The following RYR3 variants were observed in gnomAD, a reference collection of about 807,000 sequenced individuals.
The protein encoded by RYR3 is brain ryanodine receptor-calcium release channel.
A neutral mutation model predicts 584.3 loss-of-function variants in RYR3; 207 were observed. The observed-to-expected ratio is 0.35, with a 90% CI of 0.32 to 0.40. The LOEUF is 0.40. Among genes scored for constraint, RYR3 ranks in the 10% least tolerant of loss-of-function variants. The pLI, the probability that RYR3 is intolerant of heterozygous loss-of-function variation, is 1.00. For synonymous variants in RYR3, 2,416 were observed against 2,248.5 expected, an observed-to-expected ratio of 1.07 and a Z score of -2.11; for missense variants, 5,616 against 6,089.2, an observed-to-expected ratio of 0.92 and a Z score of 2.59.
chr15:33,715,760 C>T (rs1185845277), intron 43 of RYR3, among the ~76,000 whole-genome samples: 3 of 152,138 alleles, frequency 2.0e-5, no homozygotes, highest in Non-Finnish European at 4.4e-5. Context: ...ACTGTGTCCT[C>T]ACATGGCAGA....
intron 44 of RYR3, among the ~76,000 whole-genome samples, chr15:33,723,648 C>T (rs1362645982): frequency 1.3e-5 from 2 of 152,188 alleles, no homozygotes; most frequent in African/African-American, 2.4e-5. Context: ...GCCACTTCCT[C>T]AAGCAACATG....
intron 15 of RYR3, 77 bp downstream of exon 15, chr15:33,584,567 T>A: frequency 1.5e-6 from 1 of 689,460 alleles, no homozygotes; most frequent in South Asian, 1.9e-5. Flanking sequence ...GAAAACAAAG[T>A]TGAATCTTTT....
intron 16 of RYR3, among the ~76,000 whole-genome samples, chr15:33,599,521 C>T (rs1360467170): frequency 1.3e-5 from 2 of 152,120 alleles, no homozygotes; most frequent in Non-Finnish European, 2.9e-5. Context: ...AGGGAACTTC[C>T]AGGTTACAGA....
At chr15:33,481,734 A>C (rs2049986142) in intron 2 of RYR3, among the ~76,000 whole-genome samples, 1 of 151,276 alleles carries the variant, frequency 6.6e-6, no homozygotes, top group African/African-American at 2.4e-5. Context: ...CACCCGCCTC[A>C]GTCTCCCAAA....
intron 38 of RYR3, among the ~76,000 whole-genome samples, chr15:33,692,593 C>T (rs1164405943): frequency 6.6e-6 from 1 of 150,852 alleles, no homozygotes; most frequent in Non-Finnish European, 1.5e-5. Context: ...AGTCTTGCCT[C>T]CTTTTCTGGC....
chr15:33,436,501 CTTT>C (rs34317660), intron 1 of RYR3, among the ~76,000 whole-genome samples: 5 of 135,886 alleles, frequency 3.7e-5, no homozygotes, highest in Admixed American at 7.4e-5. Context: ...AAACCATATT[CTTT>C]TTTTTTTTTT....
chr15:33,789,703 C>T (rs773089219), intron 67 of RYR3, among the ~76,000 whole-genome samples: 9 of 77,226 alleles, frequency 1.2e-4, no homozygotes, highest in Non-Finnish European at 2.1e-4. Context: ...GAGACGGAGT[C>T]TCACTTCGTC....
At chr15:33,775,314 C>G (rs2152893600) in intron 64 of RYR3, among the ~76,000 whole-genome samples, 1 of 106,306 alleles carries the variant, frequency 9.4e-6, no homozygotes, top group African/African-American at 3.8e-5. Flanking sequence ...TTATTAGGTA[C>G]ATTGCTAGTT....
At chr15:33,499,035 A>G (rs2051705570) in intron 2 of RYR3, among the ~76,000 whole-genome samples, 1 of 152,056 alleles carries the variant, frequency 6.6e-6, no homozygotes, top group Non-Finnish European at 1.5e-5. Context: ...TGATTATATC[A>G]TTTCCTACAT....
At chr15:33,533,487 A>G in intron 5 of RYR3, 98 bp downstream of exon 5, 1 of 762,490 alleles carries the variant, frequency 1.3e-6, no homozygotes, top group Non-Finnish European at 2.2e-6. Context: ...TGGGATTCCA[A>G]ACCAACCTGG....
intron 45 of RYR3, 62 bp from the exon 46 acceptor site, chr15:33,726,324 T>G: frequency 1.3e-6 from 2 of 1,592,528 alleles, no homozygotes; most frequent in Non-Finnish European, 1.7e-6. Flanking sequence ...GGTTTGGAGG[T>G]GGGGTGGAGG....
chr15:33,427,182 G>GT (rs1163624459), intron 1 of RYR3, among the ~76,000 whole-genome samples: 1 of 152,190 alleles, frequency 6.6e-6, no homozygotes, highest in East Asian at 1.9e-4. Flanking sequence ...GTATAGAAGT[G>GT]TGTGGGTATG....
At chr15:33,804,490 C>T (rs1026044903) in intron 69 of RYR3, among the ~76,000 whole-genome samples, 1 of 152,214 alleles carries the variant, frequency 6.6e-6, no homozygotes, top group Non-Finnish European at 1.5e-5. Context: ...TACCAATCTG[C>T]AGAATGGGAT....
chr15:33,787,291 TCA>T (rs1291901829), intron 66 of RYR3, among the ~76,000 whole-genome samples: 1 of 152,202 alleles, frequency 6.6e-6, no homozygotes, highest in Non-Finnish European at 1.5e-5. Context: ...GGCTAAGAAG[TCA>T]CAACTTCTTG....
intron 94 of RYR3, chr15:33,851,433 C>G (rs945177702): frequency 2.0e-5 from 3 of 152,170 alleles, no homozygotes; most frequent in South Asian, 2.1e-4. Flanking sequence ...TCCCTGATTA[C>G]TAAATGGGTT....
At chr15:33,449,200 G>T (rs1375978198) in intron 1 of RYR3, among the ~76,000 whole-genome samples, 1 of 152,186 alleles carries the variant, frequency 6.6e-6, no homozygotes, top group African/African-American at 2.4e-5. Flanking sequence ...AGTGCGGGCT[G>T]TGGTCACCTT....
In RYR3 at chr15:33,399,608, A is replaced by T. The variant is rs552704641; in HGVS notation, c.52-73811A>T. On this transcript the variant is annotated intron_variant, in intron 1 of 103. Transcript: ENST00000634891. ...AGCCGAGATAGCGCCACTGCACTCC[A>T]GCCTGGGCGACAGAGTAAGACTCCG... Among the ~76,000 whole-genome samples, 5 of 152,318 alleles carry T rather than the reference A, an allele frequency of 3.3e-5. No homozygotes were observed. The South Asian group carries it at 8.3e-4, about 25-fold the overall frequency.
At chr15:33,689,510 C>A (rs1378525231) in intron 38 of RYR3, among the ~76,000 whole-genome samples, 1 of 152,134 alleles carries the variant, frequency 6.6e-6, no homozygotes, top group East Asian at 1.9e-4. Flanking sequence ...ACATAGCATT[C>A]CAAAATAATC....
chr15:33,738,773 A>T (rs142801577), intron 50 of RYR3, among the ~76,000 whole-genome samples, 183 bp downstream of exon 50: 1 of 152,226 alleles, frequency 6.6e-6, no homozygotes, highest in Admixed American at 6.5e-5. Context: ...CTTATTTTAC[A>T]GGTGAAGAAA....
Sources: gnomAD v4.1 joint callset for allele counts (sites outside exome capture counted in the v4.1 genomes callset) on GRCh38, gnomAD v4.1.1 for gene constraint, MANE v1.5 for transcripts, NCBI Gene and HGNC (gene_info 2026-07-23, HGNC 2026-07-21) for gene names.